The following PAX8 variants were observed in gnomAD, a reference collection of about 807,000 sequenced individuals.
The protein encoded by PAX8 is paired box protein Pax-8.
In PAX8, 15 loss-of-function variants were observed where a neutral mutation model predicts 52.4. That is an observed-to-expected ratio of 0.29 (90% CI 0.19 to 0.44). PAX8 has a LOEUF of 0.44. PAX8 is among the 20% of genes least tolerant of loss of function. PAX8 has a pLI of 1.00. For missense variants in PAX8, 554 were observed against 602.5 expected (o/e 0.92, Z 0.84); for synonymous variants, 284 against 249.7 (o/e 1.14, Z -1.29).
At chr2:113,277,344 T>A (rs577260750) in intron 2 of PAX8, among the ~76,000 whole-genome samples, 31 of 152,348 alleles carry the variant, frequency 2.0e-4, no homozygotes, top group African/African-American at 7.5e-4. Flanking sequence ...GCCCCCGCAG[T>A]GCGCTTGGCT....
At chr2:113,242,613 C>T in intron 5 of PAX8, 77 bp downstream of exon 5, 1 of 953,402 alleles carries the variant, frequency 1.0e-6, no homozygotes, top group Non-Finnish European at 1.7e-6. Flanking sequence ...TCTGTGTGTG[C>T]CTCTGTGTAT....
chr2:113,255,433 A>G (rs1436853333), intron 2 of PAX8: 1 of 152,318 alleles, frequency 6.6e-6, no homozygotes, highest in East Asian at 1.9e-4. Context: ...AAGACGGTCC[A>G]GATTCCACAG....
rs749184183 is a variant in PAX8 at position 113,218,582 on chromosome 2, G to C, written c.1304C>G (p.Ser435Ter). The C allele has an allele frequency of 1.3e-6, 2 of 1,559,670 alleles. No individual in the cohort carries two copies. Among genetic ancestry groups the C allele is most frequent in the Non-Finnish European group, 1.7e-6 (2 of 1,151,492 alleles). The change falls in exon 12 of 12, where the codon TCA (serine) becomes TGA (stop). Residue 435 changes from serine to a stop codon, truncating the protein, a stop_gained. Coordinates refer to ENST00000429538, the MANE Select transcript of PAX8 (RefSeq NM_003466.4). LOFTEE classifies it high-confidence loss of function. ...LSSPYYYSST[S>*]RPSAPPTTAT... is the part of the protein sequence containing the mutation. ...AGTGGTGGGCGGTGCACTCGGCCTT[G>C]ATGTGGAACTGTAATAATATGGGGA...
At position 113,227,180 on chromosome 2, in the gene PAX8, G is replaced by A. The variant is rs1252831103; in HGVS notation, c.1164C>T (p.Ser388=). ...IPTSGQGSYA[S]SAIAGMVAGS... ...CTGCCACCATGCCTGCGATGGCAGAGGAGGCATAGCTGCCCTGTCCGCTGG... is the reference window on the plus strand; with the variant it reads ...CTGCCACCATGCCTGCGATGGCAGAAGAGGCATAGCTGCCCTGTCCGCTGG... Residue 388 remains serine (S), a synonymous_variant, in exon 10 of 12, where the codon TCC becomes TCT. Coordinates refer to ENST00000429538, the MANE Select transcript of PAX8 (RefSeq NM_003466.4). 4 of 1,606,162 alleles carry A rather than the reference G, an allele frequency of 2.5e-6. No individual in the cohort carries two copies. The highest frequency in any genetic ancestry group is 1.7e-5 in the Admixed American group (1 of 58,790).
chr2:113,250,539 A>G (rs1450594740), intron 2 of PAX8, among the ~76,000 whole-genome samples: 1 of 152,170 alleles, frequency 6.6e-6, no homozygotes, highest in East Asian at 1.9e-4. Context: ...GATTGAACTA[A>G]GAATTTATGT....
Position 113,227,210 on chromosome 2 carries a change from G to T in PAX8, c.1134C>A (p.Ile378=). ...GPTLPGYPPH[I]PTSGQGSYAS... ...CATAGCTGCCCTGTCCGCTGGTGGG[G>T]ATGTGGGGTGGGTATCCGGGCAGCG... Residue 378 remains isoleucine, a synonymous_variant, in exon 10 of 12, where the codon ATC becomes ATA. Transcript: ENST00000429538. 1 of 1,611,128 alleles carries T rather than the reference G, an allele frequency of 6.2e-7. No individual in the cohort carries two copies. Among genetic ancestry groups the T allele is most frequent in the Non-Finnish European group, 8.5e-7 (1 of 1,179,040 alleles).
rs940252825 is a variant in PAX8 at position 113,216,231 on chromosome 2, G to C, written c.*2302C>G. On this transcript the variant is annotated 3_prime_UTR_variant, in exon 12 of 12. Coordinates refer to ENST00000429538, the MANE Select transcript of PAX8 (RefSeq NM_003466.4). Reference sequence around the variant, plus strand: ...ATGGATTCGGAGTCGCGCTGCAGAGGGAAGTTCTGCCATTGAAAAACCAGC... The same window carrying C: ...ATGGATTCGGAGTCGCGCTGCAGAGCGAAGTTCTGCCATTGAAAAACCAGC... The C allele has an allele frequency of 1.7e-5, 4 of 230,982 alleles. No individual in the cohort carries two copies. The highest frequency in any genetic ancestry group is 8.8e-5 in the African/African-American group (4 of 45,220). The allele number at this position is 230,982 out of a possible 1,614,324, so 14.3% of individuals were successfully genotyped here.
chr2:113,246,894 T>G lies in PAX8; in HGVS notation c.51A>C (p.Gly17=). The G allele has an allele frequency of 6.2e-7, 1 of 1,614,022 alleles. No individual in the cohort carries two copies. Among genetic ancestry groups the G allele is most frequent in the Non-Finnish European group, 8.5e-7 (1 of 1,179,910 alleles). The change falls in exon 3 of 12, where the codon GGA becomes GGC. Residue 17 remains glycine, a synonymous_variant. Transcript: ENST00000429538. Reference sequence around the variant, plus strand: ...GAGGTCTGCCATTCACAAAGGCCCCTCCCAGCTGGTTCAGCCCTCCATGGC... The same window carrying G: ...GAGGTCTGCCATTCACAAAGGCCCCGCCCAGCTGGTTCAGCCCTCCATGGC... The part of the protein sequence containing the change: ...RSGHGGLNQL[G]GAFVNGRPLP...
chr2:113,236,851 C>T, intron 7 of PAX8, 130 bp from the exon 8 acceptor site: 1 of 1,050,682 alleles, frequency 9.5e-7, no homozygotes. Context: ...CCCCCTTCTT[C>T]CTTTACGTTC....
Position 113,218,078 on chromosome 2 carries a change from T to C in PAX8, c.*455A>G, listed in dbSNP as rs1689086367. 4.3e-6 allele frequency: 1 copy of C among 234,706 alleles called. No individual in the cohort carries two copies. The highest frequency in any genetic ancestry group is 2.2e-5 in the African/African-American group (1 of 45,416). The allele number at this position is 234,706 out of a possible 1,614,324, so 14.5% of individuals were successfully genotyped here. The stretch of plus-strand genomic sequence containing the variant: ...GGTGAGGAGAGCCTCGGCACCAGGC[T>C]GTGACTTGTGGGCTGGAGGGAAGTG... On this transcript the variant is annotated 3_prime_UTR_variant, in exon 12 of 12. Coordinates refer to ENST00000429538, the MANE Select transcript of PAX8 (RefSeq NM_003466.4).
chr2:113,237,076 C>T (rs1371447133), intron 7 of PAX8: 3 of 268,682 alleles, frequency 1.1e-5, no homozygotes, highest in South Asian at 7.9e-5. Flanking sequence ...AGTCTCCAAC[C>T]GGACTGTTCA....
intron 2 of PAX8, chr2:113,273,063 A>C (rs1693571407): frequency 6.6e-6 from 1 of 152,228 alleles, no homozygotes; most frequent in South Asian, 2.1e-4. Context: ...TCAGAACCAT[A>C]GAGCTCAAAG....
chr2:113,226,609 T>C, intron 10 of PAX8: 1 of 1,059,526 alleles, frequency 9.4e-7, no homozygotes, highest in Non-Finnish European at 1.1e-6. Flanking sequence ...ACCCGGGTCC[T>C]ATCCATGCAG....
At position 113,236,591 on chromosome 2, in the gene PAX8, G is replaced by T; in HGVS notation, c.898+10C>A. ...CCCTCCACCTGCCAGGGAGGCTCCGGGCGTTGTACCTGCCACCACGGGGTA... is the reference window on the plus strand; with the variant it reads ...CCCTCCACCTGCCAGGGAGGCTCCGTGCGTTGTACCTGCCACCACGGGGTA... On this transcript the variant is annotated intron_variant, in intron 8 of 11. Transcript: ENST00000429538. 6.4e-7 allele frequency: 1 copy of T among 1,562,104 alleles called. No homozygotes were observed. The highest frequency in any genetic ancestry group is 8.7e-7 in the Non-Finnish European group (1 of 1,154,668).
At position 113,246,735 on chromosome 2, in the gene PAX8, CGGT is replaced by C; in HGVS notation, c.191+16_191+18del. On this transcript the variant is annotated intron_variant, in intron 3 of 11. Coordinates refer to ENST00000429538, the MANE Select transcript of PAX8 (RefSeq NM_003466.4). ...CAAGCCCTGCGGGGAAGGCGGCCTGCGGTGAATTTCGTGCTTACCTGCCAAGGA... is the reference window on the plus strand; with the variant it reads ...CAAGCCCTGCGGGGAAGGCGGCCTGCGAATTTCGTGCTTACCTGCCAAGGA... The C allele has an allele frequency of 1.2e-6, 2 of 1,609,080 alleles. No homozygotes were observed. The highest frequency in any genetic ancestry group is 2.2e-5 in the South Asian group (2 of 90,970).
rs774778854 is a variant in PAX8 at position 113,235,404 on chromosome 2, G to T, written c.1077C>A (p.Ala359=). ...ACCTCCCTGTCGTACCTGAGAGGAGGGCCTGGCCCGTGAACTGCCCGTACA... is the reference window on the plus strand; with the variant it reads ...ACCTCCCTGTCGTACCTGAGAGGAGTGCCTGGCCCGTGAACTGCCCGTACA... ...ASVYGQFTGQ[A]LLSGREMVGP... Residue 359 remains alanine (A), a synonymous_variant, in exon 9 of 12, where the codon GCC becomes GCA. Coordinates refer to ENST00000429538, the MANE Select transcript of PAX8 (RefSeq NM_003466.4). The T allele has an allele frequency of 6.3e-7, 1 of 1,583,106 alleles. No individual in the cohort carries two copies. Among genetic ancestry groups the T allele is most frequent in the Non-Finnish European group, 8.6e-7 (1 of 1,164,694 alleles).
chr2:113,249,755 G>A (rs894573710), intron 2 of PAX8, among the ~76,000 whole-genome samples: 5 of 152,098 alleles, frequency 3.3e-5, no homozygotes, highest in African/African-American at 1.2e-4. Context: ...CACATTTCTG[G>A]CCCCTAAACG....
At chr2:113,222,711 C>A (rs528896405) in intron 10 of PAX8, among the ~76,000 whole-genome samples, 1 of 152,274 alleles carries the variant, frequency 6.6e-6, no homozygotes, top group African/African-American at 2.4e-5. Context: ...CCTATCCCCA[C>A]ATTCCTCTCT....
chr2:113,262,360 T>G (rs1293134188), intron 2 of PAX8, among the ~76,000 whole-genome samples: 1 of 152,118 alleles, frequency 6.6e-6, no homozygotes, highest in African/African-American at 2.4e-5. Context: ...TTTGGGGGAT[T>G]CTGGCTTGGG....
Sources: allele counts gnomAD v4.1 joint callset (sites outside exome capture counted in the v4.1 genomes callset), GRCh38; gene constraint gnomAD v4.1.1; transcripts MANE v1.5; gene names NCBI Gene and HGNC (gene_info 2026-07-23, HGNC 2026-07-21).